The following CCSER1 variants were observed in gnomAD, a reference collection of about 807,000 sequenced individuals.
CCSER1 encodes the protein serine-rich coiled-coil domain-containing protein 1.
Under a neutral mutation model 82.0 loss-of-function variants are expected in CCSER1, and 41 were observed. That is an observed-to-expected ratio of 0.50 (90% CI 0.39 to 0.65). The LOEUF is 0.65. Among genes scored for constraint, CCSER1 ranks in the 30% least tolerant of loss-of-function variants. The probability of loss-of-function intolerance (pLI) is 0.00; values close to 1 mark genes in which losing one functional copy is unlikely to be tolerated. For missense variants in CCSER1, 1,119 were observed against 1,064.2 expected (o/e 1.05, Z -0.72); for synonymous variants, 414 against 383.9 (o/e 1.08, Z -0.92).
chr4:91,153,320 C>T (rs1333444783), intron 10 of CCSER1, among the ~76,000 whole-genome samples: 1 of 151,896 alleles, frequency 6.6e-6, no homozygotes. Context: ...GAAGCTTGTG[C>T]ATGCATCACG....
chr4:90,644,151 C>T (rs1283094363), intron 6 of CCSER1, among the ~76,000 whole-genome samples: 1 of 152,136 alleles, frequency 6.6e-6, no homozygotes, highest in Non-Finnish European at 1.5e-5. Context: ...ATCCAAAACA[C>T]TTAGGATCAG....
At chr4:91,279,067 T>A (rs576117709) in intron 10 of CCSER1, among the ~76,000 whole-genome samples, 3 of 152,232 alleles carry the variant, frequency 2.0e-5, no homozygotes, top group Admixed American at 2.0e-4. Context: ...TATTTTTTTT[T>A]TTTTCTTTCA....
intron 8 of CCSER1, among the ~76,000 whole-genome samples, chr4:90,848,063 A>AT (rs1362915479): frequency 2.6e-5 from 4 of 152,222 alleles, no homozygotes; most frequent in South Asian, 2.1e-4. Context: ...ATTATTGTGG[A>AT]TTTTTTTATG....
At chr4:90,725,034 T>A (rs2149380513) in intron 7 of CCSER1, 1 of 439,632 alleles carries the variant, frequency 2.3e-6, no homozygotes, top group East Asian at 7.0e-5. Context: ...AGGCCCTTTC[T>A]ATACCTGCTA....
chr4:91,407,157 T>A (rs1339055698), intron 10 of CCSER1, among the ~76,000 whole-genome samples: 2 of 152,106 alleles, frequency 1.3e-5, no homozygotes. Context: ...CCTTTCTAAG[T>A]GACATACAAG....
chr4:90,780,424 T>C, intron 7 of CCSER1: 8 of 1,607,398 alleles, frequency 5.0e-6, no homozygotes, highest in Non-Finnish European at 6.8e-6. Context: ...CTGTTATTTA[T>C]TTTTATTGTT....
At chr4:91,549,517 C>A (rs1411902627) in intron 10 of CCSER1, among the ~76,000 whole-genome samples, 1 of 151,754 alleles carries the variant, frequency 6.6e-6, no homozygotes, top group Non-Finnish European at 1.5e-5. Context: ...AGATGCGATG[C>A]ATTCAATCAT....
intron 10 of CCSER1, among the ~76,000 whole-genome samples, chr4:91,349,004 G>A (rs775509875): frequency 3.9e-5 from 6 of 152,202 alleles, no homozygotes; most frequent in Middle Eastern, 3.4e-3. Context: ...CGCCTCCCGG[G>A]TTCACGCCAT....
chr4:90,667,825 T>TTAATCATATTAA (rs1447792471), intron 6 of CCSER1, among the ~76,000 whole-genome samples: 2 of 152,194 alleles, frequency 1.3e-5, no homozygotes, highest in African/African-American at 4.8e-5. Flanking sequence ...TTAATGGTCA[T>TTAATCATATTAA]TGCTATGATT....
chr4:90,275,594 A>G (rs1727396240), intron 1 of CCSER1, among the ~76,000 whole-genome samples: 1 of 152,110 alleles, frequency 6.6e-6, no homozygotes, highest in Non-Finnish European at 1.5e-5. Flanking sequence ...CAAAAATTTT[A>G]AGTTGGTGAC....
chr4:90,245,070 GTAAC>G (rs1450268978), intron 1 of CCSER1, among the ~76,000 whole-genome samples: 13 of 152,242 alleles, frequency 8.5e-5, no homozygotes, highest in African/African-American at 3.1e-4. Context: ...GAATAAAAAA[GTAAC>G]TGGCATCAAA....
At chr4:90,457,105 G>A (rs549581266) in intron 4 of CCSER1, among the ~76,000 whole-genome samples, 3 of 152,304 alleles carry the variant, frequency 2.0e-5, no homozygotes, top group South Asian at 2.1e-4. Context: ...TGGGGCTGGC[G>A]GGCTGCTCCA....
At chr4:91,571,825 G>T (rs1196495209) in intron 10 of CCSER1, among the ~76,000 whole-genome samples, 1 of 152,144 alleles carries the variant, frequency 6.6e-6, no homozygotes, top group Admixed American at 6.5e-5. Flanking sequence ...CAGGCCAGAG[G>T]TTCCTTGTCT....
intron 5 of CCSER1, among the ~76,000 whole-genome samples, chr4:90,592,272 T>C (rs1782801435): frequency 6.6e-6 from 1 of 152,178 alleles, no homozygotes; most frequent in Non-Finnish European, 1.5e-5. Flanking sequence ...GTCCCCCTAA[T>C]TGCAGGCATT....
intron 1 of CCSER1, among the ~76,000 whole-genome samples, chr4:90,274,391 T>G (rs1727152860): frequency 6.6e-6 from 1 of 152,184 alleles, no homozygotes; most frequent in Admixed American, 6.5e-5. Context: ...ACATGCTGTG[T>G]GTGTCTTTTC....
At chr4:90,707,568 A>C (rs1055462116) in intron 6 of CCSER1, among the ~76,000 whole-genome samples, 13 of 151,350 alleles carry the variant, frequency 8.6e-5, no homozygotes, top group African/African-American at 2.4e-4. Flanking sequence ...ATATTCAAAC[A>C]GTTTTTACTA....
intron 1 of CCSER1, among the ~76,000 whole-genome samples, chr4:90,233,437 C>T (rs1340882135): frequency 6.6e-6 from 1 of 151,642 alleles, no homozygotes; most frequent in Non-Finnish European, 1.5e-5. Context: ...AACACATGGA[C>T]ACAGGAAGGG....
intron 10 of CCSER1, among the ~76,000 whole-genome samples, chr4:91,157,751 A>C (rs1730958121): frequency 1.3e-5 from 2 of 152,074 alleles, no homozygotes; most frequent in South Asian, 4.2e-4. Flanking sequence ...ACAGCAGCGA[A>C]TCTGGGAACC....
At chr4:90,425,907 A>C (rs1418252594) in intron 4 of CCSER1, among the ~76,000 whole-genome samples, 1 of 151,660 alleles carries the variant, frequency 6.6e-6, no homozygotes, top group Non-Finnish European at 1.5e-5. Context: ...AGTCTAATGG[A>C]AGATTCTATT....
Sources: allele counts gnomAD v4.1 joint callset (sites outside exome capture counted in the v4.1 genomes callset), GRCh38; gene constraint gnomAD v4.1.1; transcripts MANE v1.5; gene names NCBI Gene and HGNC (gene_info 2026-07-23, HGNC 2026-07-21).